RAPH1: variants seen among roughly 807,000 people sequenced by gnomAD.
The protein encoded by RAPH1 is ras-associated and pleckstrin homology domains-containing protein 1.
In RAPH1, 18 loss-of-function variants were observed where a neutral mutation model predicts 88.1. The observed-to-expected ratio is 0.20, with a 90% CI of 0.14 to 0.30. The LOEUF is 0.30. RAPH1 is among the 10% of genes least tolerant of loss of function. RAPH1 has a pLI of 1.00. For synonymous variants in RAPH1, 587 were observed against 559.0 expected (o/e 1.05, Z -0.71); for missense variants, 1,448 against 1,543.2 (o/e 0.94, Z 1.03).
At chr2:203,512,143 G>A (rs1430087747) in intron 1 of RAPH1, among the ~76,000 whole-genome samples, 1 of 150,774 alleles carries the variant, frequency 6.6e-6, no homozygotes, top group Non-Finnish European at 1.5e-5. Context: ...AGCAGAATAT[G>A]GGCCAGGGGT....
intron 4 of RAPH1, among the ~76,000 whole-genome samples, chr2:203,478,115 G>T (rs1386939421): frequency 2.0e-5 from 3 of 149,058 alleles, no homozygotes; most frequent in Non-Finnish European, 3.0e-5. Context: ...CTCATTGCAA[G>T]CTCCACCTCC....
chr2:203,491,336 T>C lies in RAPH1; in HGVS notation c.121-17A>G, dbSNP rs1559483554. ...ATCCAAACTCTTTATAAAAAGAAAG[T>C]TTAATAGTCATATTAAATTCAGGTT... is the stretch of plus-strand genomic sequence containing the variant. On this transcript the variant is annotated splice_polypyrimidine_tract_variant and intron_variant, in intron 2 of 13. Coordinates refer to ENST00000319170, the MANE Select transcript of RAPH1 (RefSeq NM_213589.3). 3.3e-6 allele frequency: 5 copies of C among 1,510,514 alleles called. No individual in the cohort carries two copies. Among genetic ancestry groups the C allele is most frequent in the African/African-American group, 1.4e-5 (1 of 71,888 alleles). The allele number at this position is 1,510,514 out of a possible 1,614,324, so 93.6% of individuals were successfully genotyped here.
intron 7 of RAPH1, among the ~76,000 whole-genome samples, chr2:203,458,369 A>C (rs919884175): frequency 3.3e-5 from 5 of 152,078 alleles, no homozygotes; most frequent in African/African-American, 4.8e-5. Context: ...TCAAAAAAAA[A>C]CAAAAAACAA....
chr2:203,475,563 AT>A (rs1240918221), intron 4 of RAPH1, among the ~76,000 whole-genome samples: 1 of 152,140 alleles, frequency 6.6e-6, no homozygotes, highest in African/African-American at 2.4e-5. Context: ...ATTTGCAAGA[AT>A]TTTACATGCT....
At position 203,526,536 on chromosome 2, in the gene RAPH1, C is replaced by T. The variant is rs78200867; in HGVS notation, c.-1+8575G>A. ...GGTCAGGAGTTCAAGGCCAGCCTGG[C>T]CAACATGGTAAAACCCCATCTCTAC... On this transcript the variant is annotated intron_variant, in intron 1 of 13. Transcript: ENST00000319170. Among the ~76,000 whole-genome samples, 8 of 152,010 alleles carry T rather than the reference C, an allele frequency of 5.3e-5. No homozygotes were observed. The South Asian group carries it at 1.5e-3, about 28-fold the overall frequency.
intron 8 of RAPH1, 124 bp downstream of exon 8, chr2:203,457,406 G>A: frequency 1.2e-6 from 1 of 807,430 alleles, no homozygotes; most frequent in Non-Finnish European, 2.1e-6. Flanking sequence ...GGCTGGTCTT[G>A]AACTCCTGAT....
chr2:203,479,097 AATAAAT>A (rs1687605013), intron 4 of RAPH1, among the ~76,000 whole-genome samples: 1 of 152,222 alleles, frequency 6.6e-6, no homozygotes, highest in Admixed American at 6.5e-5. Flanking sequence ...ATTCAGGAAA[AATAAAT>A]ATAGACACAG....
intron 4 of RAPH1, among the ~76,000 whole-genome samples, chr2:203,464,730 A>G (rs898665348): frequency 1.3e-5 from 2 of 152,244 alleles, no homozygotes; most frequent in Non-Finnish European, 2.9e-5. Flanking sequence ...GGGAGAAAAA[A>G]TATTTGCAAA....
At chr2:203,523,454 T>C (rs1369178153) in intron 1 of RAPH1, among the ~76,000 whole-genome samples, 2 of 148,818 alleles carry the variant, frequency 1.3e-5, no homozygotes, top group Non-Finnish European at 1.5e-5. Context: ...TTTTAACAAA[T>C]GACACTGGCA....
At chr2:203,481,255 G>T (rs1479836690) in intron 4 of RAPH1, among the ~76,000 whole-genome samples, 1 of 152,026 alleles carries the variant, frequency 6.6e-6, no homozygotes, top group Non-Finnish European at 1.5e-5. Context: ...AGCATGATAT[G>T]GTGGTATGAG....
intron 1 of RAPH1, among the ~76,000 whole-genome samples, chr2:203,498,927 A>T (rs1476666173): frequency 6.6e-6 from 1 of 152,154 alleles, no homozygotes; most frequent in African/African-American, 2.4e-5. Context: ...TTTAGATACC[A>T]TTGTATTACA....
intron 10 of RAPH1, among the ~76,000 whole-genome samples, chr2:203,451,190 T>C (rs2098514610): frequency 6.6e-6 from 1 of 152,224 alleles, no homozygotes. Flanking sequence ...TGCTAATACA[T>C]TATTTTATTA....
intron 4 of RAPH1, among the ~76,000 whole-genome samples, chr2:203,477,590 C>G (rs1289216477): frequency 6.6e-6 from 1 of 152,162 alleles, no homozygotes; most frequent in Non-Finnish European, 1.5e-5. Flanking sequence ...GACTGCACTT[C>G]CCTCCATGTG....
At chr2:203,528,504 T>C (rs368842355) in intron 1 of RAPH1, among the ~76,000 whole-genome samples, 2 of 152,188 alleles carry the variant, frequency 1.3e-5, no homozygotes, top group African/African-American at 4.8e-5. Context: ...TATCTCCTAA[T>C]AGAAAGTACA....
chr2:203,465,339 G>A (rs1039974245), intron 4 of RAPH1, among the ~76,000 whole-genome samples: 6 of 152,156 alleles, frequency 3.9e-5, no homozygotes, highest in African/African-American at 1.4e-4. Flanking sequence ...GCCATGAAAA[G>A]ACATGAAGGA....
chr2:203,515,117 CTCCA>C (rs1373469132), intron 1 of RAPH1, among the ~76,000 whole-genome samples: 2 of 152,244 alleles, frequency 1.3e-5, no homozygotes, highest in Admixed American at 6.5e-5. Context: ...AGGGTATCAT[CTCCA>C]TCCATTATAA....
intron 1 of RAPH1, among the ~76,000 whole-genome samples, chr2:203,516,449 A>G (rs1051800907): frequency 2.7e-4 from 41 of 152,386 alleles, no homozygotes; most frequent in Admixed American, 1.8e-3. Flanking sequence ...AAATGTATCA[A>G]TTGAAAGAGA....
At chr2:203,463,450 T>G (rs2098525835) in intron 4 of RAPH1, among the ~76,000 whole-genome samples, 1 of 152,220 alleles carries the variant, frequency 6.6e-6, no homozygotes, top group Non-Finnish European at 1.5e-5. Flanking sequence ...TGAACTACTT[T>G]TCTATTTTAT....
intron 4 of RAPH1, among the ~76,000 whole-genome samples, chr2:203,463,238 C>T (rs534830170): frequency 6.6e-6 from 1 of 151,908 alleles, no homozygotes; most frequent in African/African-American, 2.4e-5. Context: ...GAAACTTCCA[C>T]CTTAAATATT....
Sources: allele counts gnomAD v4.1 joint callset (sites outside exome capture counted in the v4.1 genomes callset), GRCh38; gene constraint gnomAD v4.1.1; transcripts MANE v1.5; gene names NCBI Gene and HGNC (gene_info 2026-07-23, HGNC 2026-07-21).